Variants in ARHGAP6 observed in about 807,000 individuals in gnomAD.
ARHGAP6 encodes rho GTPase-activating protein 6.
ARHGAP6 carries 16 observed loss-of-function variants against 55.7 expected under a neutral mutation model. The ratio of observed to expected loss-of-function variants is 0.29; its 90% CI spans 0.19 to 0.44. The LOEUF is 0.44. Among genes scored for constraint, ARHGAP6 ranks in the 20% least tolerant of loss-of-function variants. The probability of loss-of-function intolerance (pLI) is 1.00; values close to 1 mark genes in which losing one functional copy is unlikely to be tolerated. For missense variants in ARHGAP6, 698 were observed against 808.9 expected (o/e 0.86, Z 1.66); for synonymous variants, 382 against 360.9 (o/e 1.06, Z -0.66).
intron 1 of ARHGAP6, among the ~76,000 whole-genome samples, chrX:11,374,756 T>C (rs1373272725): frequency 4.5e-5 from 5 of 112,326 alleles, no homozygotes; most frequent in Non-Finnish European, 9.4e-5. Context: ...TGTCTGACTA[T>C]CTAAATTGAC....
chrX:11,299,139 C>T (rs149205639), intron 1 of ARHGAP6, among the ~76,000 whole-genome samples: 1,662 of 111,934 alleles, frequency 0.015, 26 homozygotes, highest in African/African-American at 0.051. Flanking sequence ...ATGTTAAAGA[C>T]AAATTCCTCT....
chrX:11,343,250 A>C (rs2048728761), intron 1 of ARHGAP6, among the ~76,000 whole-genome samples: 1 of 112,320 alleles, frequency 8.9e-6, no homozygotes, highest in South Asian at 3.7e-4. Flanking sequence ...GTCTCAGTGA[A>C]CTGGCATCCC....
intron 1 of ARHGAP6, among the ~76,000 whole-genome samples, chrX:11,616,825 C>G (rs1159837437): frequency 9.0e-6 from 1 of 111,372 alleles, no homozygotes; most frequent in African/African-American, 3.3e-5. Flanking sequence ...GTGGTAGAGG[C>G]CAGAGATATT....
At chrX:11,500,960 G>C (rs138606091) in intron 1 of ARHGAP6, among the ~76,000 whole-genome samples, 1 of 110,397 alleles carries the variant, frequency 9.1e-6, no homozygotes, top group Non-Finnish European at 1.9e-5. Context: ...TCAACAGCGT[G>C]GTTGTTGGCA....
At chrX:11,630,688 C>T (rs762234352) in intron 1 of ARHGAP6, among the ~76,000 whole-genome samples, 13 of 111,890 alleles carry the variant, frequency 1.2e-4, no homozygotes, top group South Asian at 3.8e-4. Context: ...CCTGGACAGG[C>T]GGAGAATGAG....
At chrX:11,583,054 G>C (rs2051683924) in intron 1 of ARHGAP6, among the ~76,000 whole-genome samples, 1 of 111,923 alleles carries the variant, frequency 8.9e-6, no homozygotes, top group Admixed American at 9.5e-5. Flanking sequence ...ATAGCTCAAA[G>C]TTACCTTAAA....
chrX:11,277,169 A>G (rs941187090), intron 1 of ARHGAP6, among the ~76,000 whole-genome samples: 14 of 111,622 alleles, frequency 1.3e-4, no homozygotes, highest in Non-Finnish European at 2.3e-4. Context: ...TTCACTTAGC[A>G]TGTTTTTGGA....
At position 11,139,177 on chromosome X, in the gene ARHGAP6, G is replaced by A. The variant is rs1175576959; in HGVS notation, c.2611C>T (p.His871Tyr). The part of the protein sequence containing the change: ...SRATPQCQRP[H>Y]GSGRDDKRPP... ...CGCTTGTCATCCCTCCCACTCCCAT[G>A]GGGTCTTTGGCACTGAGGTGTGGCC... Residue 871 changes from histidine (H) to tyrosine (Y), a missense_variant, in exon 13 of 13, where the codon CAT becomes TAT. Around this residue, in one of 3 missense-constraint regions of ARHGAP6, gnomAD observed 212 missense variants for 208.7 expected, o/e 1.02. Coordinates refer to ENST00000337414, the MANE Select transcript of ARHGAP6 (RefSeq NM_013427.3). The A allele has an allele frequency of 1.7e-6, 2 of 1,205,240 alleles. No individual in the cohort carries two copies. Among genetic ancestry groups the A allele is most frequent in the Non-Finnish European group, 2.2e-6 (2 of 893,776 alleles).
intron 1 of ARHGAP6, among the ~76,000 whole-genome samples, chrX:11,500,470 G>A (rs896680687): frequency 1.6e-4 from 17 of 109,618 alleles, no homozygotes; most frequent in African/African-American, 5.3e-4. Context: ...AGACCAGCCT[G>A]GCCAACATGG....
chrX:11,446,661 G>C (rs939873344), intron 1 of ARHGAP6, among the ~76,000 whole-genome samples: 13 of 111,541 alleles, frequency 1.2e-4, no homozygotes, highest in Non-Finnish European at 2.3e-4. Context: ...AAAACCTCTG[G>C]GCCCTGACTG....
At chrX:11,215,184 C>G (rs1486803055) in intron 2 of ARHGAP6, among the ~76,000 whole-genome samples, 1 of 112,832 alleles carries the variant, frequency 8.9e-6, no homozygotes, top group Non-Finnish European at 1.9e-5. Flanking sequence ...CCGGAGGTCC[C>G]CTGGGCATCC....
intron 1 of ARHGAP6, among the ~76,000 whole-genome samples, chrX:11,601,424 G>C (rs1386868009): frequency 3.6e-5 from 4 of 111,444 alleles, no homozygotes; most frequent in African/African-American, 1.3e-4. Context: ...GAAAGAGGGA[G>C]ATTCTCAGAT....
chrX:11,664,921 GC>G lies in ARHGAP6; in HGVS notation c.-94del. ...AACCGAAAGGGACTCAGGCAAAGGTGCCAGGCGGGGCTGGCCCGGGGTTTGC... is the reference window on the plus strand; with the variant it reads ...AACCGAAAGGGACTCAGGCAAAGGTGCAGGCGGGGCTGGCCCGGGGTTTGC... On this transcript the variant is annotated 5_prime_UTR_variant, in exon 1 of 13. Transcript: ENST00000337414. 1 of 910,389 alleles carries G rather than the reference GC, an allele frequency of 1.1e-6. No individual in the cohort carries two copies. Among genetic ancestry groups the G allele is most frequent in the Non-Finnish European group, 1.5e-6 (1 of 672,798 alleles). The allele number at this position is 910,389 out of a possible 1,213,427, so 75.0% of individuals were successfully genotyped here.
At chrX:11,193,028 G>A (rs188952540) in intron 3 of ARHGAP6, among the ~76,000 whole-genome samples, 35 of 112,603 alleles carry the variant, frequency 3.1e-4, no homozygotes, top group African/African-American at 1.1e-3. Flanking sequence ...TTTCTGATCA[G>A]TGTCAATCTT....
intron 2 of ARHGAP6, chrX:11,223,186 GA>G: frequency 5.8e-6 from 1 of 172,452 alleles, no homozygotes. Context: ...GCTGCAAAGA[GA>G]AAAAGGATTG....
chrX:11,237,880 C>T (rs1174190612), intron 2 of ARHGAP6, among the ~76,000 whole-genome samples: 2 of 111,840 alleles, frequency 1.8e-5, no homozygotes, highest in Non-Finnish European at 3.8e-5. Flanking sequence ...TAGGCACTAG[C>T]GATATTTGGG....
At chrX:11,273,414 TA>T (rs200357210) in intron 1 of ARHGAP6, among the ~76,000 whole-genome samples, 36 of 101,328 alleles carry the variant, frequency 3.6e-4, no homozygotes, top group Admixed American at 5.3e-4. Flanking sequence ...ATTTCATTTG[TA>T]AAAAAAAAAA....
chrX:11,565,518 GA>G (rs1280661687), intron 1 of ARHGAP6, among the ~76,000 whole-genome samples: 1 of 112,424 alleles, frequency 8.9e-6, no homozygotes, highest in Non-Finnish European at 1.9e-5. Flanking sequence ...CAAGGCCTAA[GA>G]GAAGCCAAAG....
rs1398837162 is a variant in ARHGAP6, at chrX:11,254,713, G to A, written c.589-6C>T. ...CTGTTCCAGGTGAAATCACCCTGTA[G>A]GCCAAAAAAAAAAAAAAAAAAAAAA... is the stretch of plus-strand genomic sequence containing the variant. On this transcript the variant is annotated splice_region_variant and splice_polypyrimidine_tract_variant and intron_variant, in intron 1 of 12. Coordinates refer to ENST00000337414, the MANE Select transcript of ARHGAP6 (RefSeq NM_013427.3). 5.8e-6 allele frequency: 6 copies of A among 1,027,073 alleles called. No individual in the cohort carries two copies. The highest frequency in any genetic ancestry group is 3.3e-4 in the Middle Eastern group (1 of 2,998). The allele number at this position is 1,027,073 out of a possible 1,213,427, so 84.6% of individuals were successfully genotyped here.
Sources: gnomAD v4.1 joint callset for allele counts (sites outside exome capture counted in the v4.1 genomes callset) on GRCh38, gnomAD v4.1.1 for gene constraint, gnomAD v4.1.1 regional missense constraint, MANE v1.5 for transcripts, NCBI Gene and HGNC (gene_info 2026-07-23, HGNC 2026-07-21) for gene names.